The following GRM1 variants were observed in gnomAD, a reference collection of about 807,000 sequenced individuals.
The protein encoded by GRM1 is metabotropic glutamate receptor 1.
A neutral mutation model predicts 90.9 loss-of-function variants in GRM1; 33 were observed. The ratio of observed to expected loss-of-function variants is 0.36; its 90% CI spans 0.28 to 0.49. GRM1 has a LOEUF of 0.49. Ranked by LOEUF, GRM1 falls within the 20% of genes least tolerant of loss-of-function variation. The probability of loss-of-function intolerance (pLI) is 0.99; values close to 1 mark genes in which losing one functional copy is unlikely to be tolerated. For missense variants in GRM1, 1,190 were observed against 1,534.3 expected (o/e 0.78, Z 3.75); for synonymous variants, 700 against 613.2 (o/e 1.14, Z -2.09).
intron 2 of GRM1, among the ~76,000 whole-genome samples, chr6:146,264,915 T>C (rs1217339262): frequency 6.6e-6 from 1 of 152,218 alleles, no homozygotes; most frequent in Non-Finnish European, 1.5e-5. Flanking sequence ...ACATCCCTCA[T>C]TTTCTTTATT....
intron 1 of GRM1, among the ~76,000 whole-genome samples, chr6:146,068,897 T>A (rs1775940360): frequency 6.6e-6 from 1 of 152,342 alleles, no homozygotes; most frequent in Non-Finnish European, 1.5e-5. Context: ...TGATACATAT[T>A]TAAAAAATCA....
At chr6:146,228,242 A>G (rs1780319754) in intron 2 of GRM1, among the ~76,000 whole-genome samples, 1 of 152,200 alleles carries the variant, frequency 6.6e-6, no homozygotes, top group East Asian at 1.9e-4. Flanking sequence ...TAATTTCTAA[A>G]GAAAAGAAAT....
chr6:146,231,436 G>A (rs1291380385), intron 2 of GRM1, among the ~76,000 whole-genome samples: 2 of 152,230 alleles, frequency 1.3e-5, no homozygotes, highest in Non-Finnish European at 2.9e-5. Flanking sequence ...TGAATATGGT[G>A]AGAGTGGGCA....
intron 1 of GRM1, among the ~76,000 whole-genome samples, chr6:146,088,811 G>T (rs1022439877): frequency 1.3e-5 from 2 of 152,082 alleles, no homozygotes; most frequent in Non-Finnish European, 2.9e-5. Flanking sequence ...CTTCTTGCTA[G>T]GGGCAGTTTT....
intron 2 of GRM1, among the ~76,000 whole-genome samples, chr6:146,227,724 A>G (rs78916028): frequency 6.6e-6 from 1 of 152,330 alleles, no homozygotes; most frequent in Non-Finnish European, 1.5e-5. Flanking sequence ...GCAGAAACAT[A>G]GGCAGCCTCC....
chr6:146,292,774 C>A lies in GRM1; in HGVS notation c.951-11837C>A, dbSNP rs542958377. Among the ~76,000 whole-genome samples the A allele has an allele frequency of 2.6e-5, 4 of 151,800 alleles. No homozygotes were observed. The South Asian group carries it at 8.3e-4, about 32-fold the overall frequency. ...GCATTTTCATTCCTGGATACATAAC[C>A]AAAAGATTTGAAAACAGATAGTCAA... is the stretch of plus-strand genomic sequence containing the variant. On this transcript the variant is annotated intron_variant, in intron 2 of 7. Transcript: ENST00000282753.
intron 2 of GRM1, among the ~76,000 whole-genome samples, chr6:146,228,652 G>A (rs1029648719): frequency 6.6e-6 from 1 of 152,124 alleles, no homozygotes; most frequent in African/African-American, 2.4e-5. Context: ...AACTGACAAT[G>A]TAGATAAATT....
chr6:146,399,478 C>T lies in GRM1; in HGVS notation c.2439C>T (p.Ile813=), dbSNP rs1485015966. 1.2e-5 allele frequency: 20 copies of T among 1,614,138 alleles called. No individual in the cohort carries two copies. The East Asian group carries it at 4.2e-4, about 34-fold the overall frequency. ...PIYFGSNYKI[I]TTCFAVSLSV... Reference sequence around the variant, plus strand: ...ACTTTGGGAGCAACTACAAGATCATCACAACTTGCTTTGCAGTGAGTCTCA... The same window carrying T: ...ACTTTGGGAGCAACTACAAGATCATTACAACTTGCTTTGCAGTGAGTCTCA... The change falls in exon 7 of 8, where the codon ATC becomes ATT. Residue 813 remains isoleucine, a synonymous_variant. Transcript: ENST00000282753. This position sits in a 1 kb window ranked among gnomAD's most constrained non-coding sequence, Gnocchi z 5.4.
At chr6:146,180,234 C>T (rs1327553562) in intron 2 of GRM1, among the ~76,000 whole-genome samples, 1 of 141,110 alleles carries the variant, frequency 7.1e-6, no homozygotes, top group African/African-American at 2.5e-5. Flanking sequence ...TTATTTTATG[C>T]AGATATTAAC....
In GRM1 at chr6:146,398,968, G is replaced by T; in HGVS notation, c.1929G>T (p.Val643=). 6.2e-7 allele frequency: 1 copy of T among 1,614,040 alleles called. No homozygotes were observed. Among genetic ancestry groups the T allele is most frequent in the Admixed American group, 1.7e-5 (1 of 60,016 alleles). The change falls in exon 7 of 8, where the codon GTG becomes GTT. Residue 643 remains valine, a synonymous_variant. Transcript: ENST00000282753. The part of the protein sequence containing the change: ...IILAGIFLGY[V]CPFTLIAKPT... Reference sequence around the variant, plus strand: ...TAGCTGGCATCTTCCTTGGTTATGTGTGCCCATTCACTCTCATTGCCAAAC... The same window carrying T: ...TAGCTGGCATCTTCCTTGGTTATGTTTGCCCATTCACTCTCATTGCCAAAC...
chr6:146,168,291 A>G (rs1338625398), intron 2 of GRM1, among the ~76,000 whole-genome samples: 1 of 151,988 alleles, frequency 6.6e-6, no homozygotes, highest in Non-Finnish European at 1.5e-5. Context: ...GGTTTAAAAT[A>G]TACTTCTTTA....
chr6:146,393,163 G>A (rs948692186), intron 6 of GRM1, among the ~76,000 whole-genome samples: 6 of 152,096 alleles, frequency 3.9e-5, no homozygotes, highest in African/African-American at 1.2e-4. Context: ...GTGCAAAAGC[G>A]TTCCTATTTC....
At chr6:146,214,875 A>C (rs1195469821) in intron 2 of GRM1, among the ~76,000 whole-genome samples, 1 of 152,192 alleles carries the variant, frequency 6.6e-6, no homozygotes, top group Non-Finnish European at 1.5e-5. Context: ...TGAGAGATGC[A>C]ACAAAAAAGC....
chr6:146,078,529 T>C (rs1036930212), intron 1 of GRM1, among the ~76,000 whole-genome samples: 5 of 152,162 alleles, frequency 3.3e-5, no homozygotes, highest in Admixed American at 6.6e-5. Context: ...TTAAAGAAGA[T>C]GAAGGAGATG....
At chr6:146,149,441 T>TAGAA (rs1388469945) in intron 1 of GRM1, among the ~76,000 whole-genome samples, 1 of 152,192 alleles carries the variant, frequency 6.6e-6, no homozygotes, top group Non-Finnish European at 1.5e-5. Context: ...TCTACAGCTG[T>TAGAA]AGAAAGACGT....
chr6:146,369,572 G>T (rs1041178115), intron 5 of GRM1, among the ~76,000 whole-genome samples: 7 of 151,542 alleles, frequency 4.6e-5, no homozygotes, highest in African/African-American at 1.5e-4. Flanking sequence ...TTTATTCATG[G>T]ACCTATTGGT....
At chr6:146,268,485 A>G (rs1782000612) in intron 2 of GRM1, among the ~76,000 whole-genome samples, 1 of 152,156 alleles carries the variant, frequency 6.6e-6, no homozygotes, top group Non-Finnish European at 1.5e-5. Flanking sequence ...TTCCTTCATT[A>G]CAAGTATTTA....
rs145764886 is a variant in GRM1, at chr6:146,434,372, G to A, written c.3161G>A (p.Gly1054Asp). The A allele has an allele frequency of 3.1e-4, 507 of 1,613,290 alleles. 1 individual carries two copies. The African/African-American group carries it at 6.4e-3, about 20-fold the overall frequency. Residue 1054 changes from glycine (G) to aspartate (D), a missense_variant, in exon 8 of 8, where the codon GGC (glycine) becomes GAC (aspartate). Coordinates refer to ENST00000282753, the MANE Select transcript of GRM1 (RefSeq NM_001278064.2). ...AIPDFHAVLA[G>D]PGGPGNGLRS... is the part of the protein sequence containing the mutation. ...CCGGATTTTCACGCGGTGCTGGCAG[G>A]CCCCGGTGGTCCCGGGAACGGGCTG...
chr6:146,401,872 G>C (rs953091429), intron 7 of GRM1, among the ~76,000 whole-genome samples: 1 of 152,198 alleles, frequency 6.6e-6, no homozygotes, highest in Non-Finnish European at 1.5e-5. Context: ...AGAGTATGTA[G>C]TGCCTGCTGC....
Sources: gnomAD v4.1 joint callset for allele counts (sites outside exome capture counted in the v4.1 genomes callset) on GRCh38, gnomAD v4.1.1 for gene constraint, Gnocchi (gnomAD v3.1) non-coding constraint, MANE v1.5 for transcripts, NCBI Gene and HGNC (gene_info 2026-07-23, HGNC 2026-07-21) for gene names.